Variants in ACVR1B observed in about 807,000 individuals in gnomAD.
ACVR1B encodes activin receptor type-1B.
In ACVR1B, 15 loss-of-function variants were observed where a neutral mutation model predicts 55.6. That is an observed-to-expected ratio of 0.27 (90% confidence interval 0.18 to 0.42). The LOEUF is 0.42. Among genes scored for constraint, ACVR1B ranks in the 10% least tolerant of loss-of-function variants. ACVR1B has a pLI of 1.00. For missense variants in ACVR1B, 359 were observed against 670.1 expected (o/e 0.54, Z 5.13); for synonymous variants, 247 against 254.6 (o/e 0.97, Z 0.28).
At chr12:51,975,242 G>A in intron 1 of ACVR1B, 23 bp from the exon 2 acceptor site, 2 of 1,599,498 alleles carry the variant, frequency 1.3e-6, no homozygotes, top group Non-Finnish European at 1.7e-6. Context: ...TGATGTCAAT[G>A]TCTGCTCCCC....
At chr12:51,962,642 C>T (rs1459776597) in intron 1 of ACVR1B, among the ~76,000 whole-genome samples, 1 of 152,142 alleles carries the variant, frequency 6.6e-6, no homozygotes, top group East Asian at 1.9e-4. Context: ...AAGAAAGCCA[C>T]ACATTGCCTC....
In ACVR1B at chr12:51,986,850, T is replaced by C; in HGVS notation, c.1169T>C (p.Ile390Thr). Residue 390 changes from isoleucine to threonine, a missense_variant, in exon 7 of 9, where the codon ATT becomes ACT. By Grantham distance (89) the Ile-to-Thr change is moderately conservative. Around this residue, in one of 5 missense-constraint regions of ACVR1B, gnomAD observed 119 missense variants for 340.2 expected, o/e 0.35. Coordinates refer to ENST00000257963, the MANE Select transcript of ACVR1B (RefSeq NM_004302.5). ...GCCCCTGAAGTACTTGATGAAACCA[T>C]TAATATGAAACACTTTGACTCCTTT... ...YMAPEVLDET[I>T]NMKHFDSFKC... 6.2e-7 allele frequency: 1 copy of C among 1,613,920 alleles called. No individual in the cohort carries two copies. The highest frequency in any genetic ancestry group is 8.5e-7 in the Non-Finnish European group (1 of 1,179,854).
intron 1 of ACVR1B, among the ~76,000 whole-genome samples, chr12:51,964,997 CAAAA>C (rs149554452): frequency 1.3e-4 from 19 of 149,582 alleles, no homozygotes; most frequent in Middle Eastern, 3.4e-3. Context: ...TGGAAAAAAA[CAAAA>C]AAAAGGCCAC....
At chr12:51,991,463 A>G (rs1298463179) in intron 7 of ACVR1B, among the ~76,000 whole-genome samples, 5 of 152,194 alleles carry the variant, frequency 3.3e-5, no homozygotes, top group Admixed American at 2.0e-4. Flanking sequence ...GTGCAGTGGC[A>G]TGATCTCTGC....
chr12:51,993,949 C>T (rs1336103778), intron 8 of ACVR1B, 36 bp from the exon 9 acceptor site: 2 of 1,611,452 alleles, frequency 1.2e-6, no homozygotes, highest in South Asian at 1.1e-5. Context: ...TTCTCCAGGG[C>T]ATGACCGAGC....
chr12:51,961,517 C>T (rs1366141124), intron 1 of ACVR1B, among the ~76,000 whole-genome samples: 1 of 152,196 alleles, frequency 6.6e-6, no homozygotes, highest in African/African-American at 2.4e-5. Flanking sequence ...CCATTTTATT[C>T]CAGCCAAATG....
At chr12:51,965,952 T>C (rs889437455) in intron 1 of ACVR1B, among the ~76,000 whole-genome samples, 1 of 151,838 alleles carries the variant, frequency 6.6e-6, no homozygotes, top group African/African-American at 2.4e-5. Flanking sequence ...AGACTAAAGA[T>C]GTGTGTGTGC....
At chr12:51,968,825 C>T (rs1474667587) in intron 1 of ACVR1B, among the ~76,000 whole-genome samples, 2 of 152,202 alleles carry the variant, frequency 1.3e-5, no homozygotes, top group Non-Finnish European at 2.9e-5. Flanking sequence ...TTTTTTAGCA[C>T]CAACGTGCTC....
At chr12:51,963,445 C>T (rs1051397409) in intron 1 of ACVR1B, among the ~76,000 whole-genome samples, 6 of 152,132 alleles carry the variant, frequency 3.9e-5, no homozygotes, top group Non-Finnish European at 7.3e-5. Flanking sequence ...GGGGTTTCAC[C>T]GTGTTGGCCA....
chr12:51,976,104 G>A (rs1306400643), intron 2 of ACVR1B, among the ~76,000 whole-genome samples: 1 of 152,166 alleles, frequency 6.6e-6, no homozygotes, highest in African/African-American at 2.4e-5. Context: ...GACAAAGTGG[G>A]TTGTGGGTTT....
intron 7 of ACVR1B, among the ~76,000 whole-genome samples, chr12:51,990,415 A>G (rs1942169067): frequency 7.1e-6 from 1 of 141,590 alleles, no homozygotes; most frequent in South Asian, 2.3e-4. Context: ...CTCCAGGCTC[A>G]GGGGAACCTT....
At chr12:51,956,771 C>CT (rs1377582866) in intron 1 of ACVR1B, among the ~76,000 whole-genome samples, 3 of 149,862 alleles carry the variant, frequency 2.0e-5, no homozygotes, top group Non-Finnish European at 3.0e-5. Flanking sequence ...CTTTTTTTTT[C>CT]TTTTTTTGAG....
intron 8 of ACVR1B, among the ~76,000 whole-genome samples, chr12:51,992,838 GAA>G (rs1175136838): frequency 2.0e-5 from 3 of 152,338 alleles, no homozygotes; most frequent in Non-Finnish European, 2.9e-5. Context: ...ACATTTGGTG[GAA>G]AGAGTTGACA....
chr12:51,994,074 C>T lies in ACVR1B; in HGVS notation c.1482C>T (p.Leu494=), dbSNP rs76067104. ...RLTALRIKKT[L]SQLSVQEDVK... Reference sequence around the variant, plus strand: ...CGGCCCTGCGCATCAAGAAGACCCTCTCCCAGCTCAGCGTGCAGGAAGACG... The same window carrying T: ...CGGCCCTGCGCATCAAGAAGACCCTTTCCCAGCTCAGCGTGCAGGAAGACG... Residue 494 remains leucine, a synonymous_variant, in exon 9 of 9, where the codon CTC becomes CTT. Coordinates refer to ENST00000257963, the MANE Select transcript of ACVR1B (RefSeq NM_004302.5). The surrounding 1 kb of genome is among the most constrained non-coding windows in gnomAD (Gnocchi z 4.2). 3,321 of 1,614,096 alleles carry T rather than the reference C, an allele frequency of 2.1e-3. 69 individuals are homozygous for T. The African/African-American group carries it at 0.04, about 19-fold the overall frequency.
intron 1 of ACVR1B, among the ~76,000 whole-genome samples, chr12:51,954,051 G>A (rs959625154): frequency 1.3e-5 from 2 of 152,092 alleles, no homozygotes; most frequent in Non-Finnish European, 2.9e-5. Context: ...AAAGTAAAAC[G>A]TCAGTTCTGG....
intron 1 of ACVR1B, chr12:51,960,268 A>T (rs1266727447): frequency 1.3e-5 from 2 of 152,214 alleles, no homozygotes; most frequent in Non-Finnish European, 2.9e-5. Context: ...AAACATTTTT[A>T]AAAATTACAA....
chr12:51,969,063 A>AC (rs1188356173), intron 1 of ACVR1B, among the ~76,000 whole-genome samples: 14 of 152,196 alleles, frequency 9.2e-5, no homozygotes, highest in Non-Finnish European at 1.5e-4. Context: ...TGTAAGCGTG[A>AC]GTAAGCCTTC....
At chr12:51,952,248 C>G (rs904520955) in intron 1 of ACVR1B, among the ~76,000 whole-genome samples, 10 of 152,120 alleles carry the variant, frequency 6.6e-5, no homozygotes, top group Non-Finnish European at 1.0e-4. Context: ...GCGTCTTTCT[C>G]CCGCCAAGAC....
At chr12:51,966,892 A>G (rs1941651901) in intron 1 of ACVR1B, among the ~76,000 whole-genome samples, 1 of 152,252 alleles carries the variant, frequency 6.6e-6, no homozygotes, top group Non-Finnish European at 1.5e-5. Context: ...GCAATTTAAA[A>G]TATAACTTGC....
Sources: gnomAD v4.1 joint callset for allele counts (sites outside exome capture counted in the v4.1 genomes callset) on GRCh38, gnomAD v4.1.1 for gene constraint, gnomAD v4.1.1 regional missense constraint, Gnocchi (gnomAD v3.1) non-coding constraint, MANE v1.5 for transcripts, NCBI Gene and HGNC (gene_info 2026-07-23, HGNC 2026-07-21) for gene names.